Variants in ZMYND8 observed in about 807,000 individuals in gnomAD.
ZMYND8 encodes the protein MYND-type zinc finger-containing chromatin reader ZMYND8.
A neutral mutation model predicts 140.8 loss-of-function variants in ZMYND8; 37 were observed. That is an observed-to-expected ratio of 0.26 (90% CI 0.20 to 0.35). The LOEUF (loss-of-function observed/expected upper bound fraction) is 0.35. ZMYND8 is among the 10% of genes least tolerant of loss of function. ZMYND8 has a pLI of 1.00. For missense variants in ZMYND8, 1,068 were observed against 1,570.0 expected (o/e 0.68, Z 5.40); for synonymous variants, 592 against 597.1 (o/e 0.99, Z 0.12).
chr20:47,313,928 G>A (rs893711535), intron 2 of ZMYND8, among the ~76,000 whole-genome samples: 2 of 151,588 alleles, frequency 1.3e-5, no homozygotes, highest in Non-Finnish European at 2.9e-5. Flanking sequence ...GCAAGACTCC[G>A]TCTCAAAAAA....
intron 17 of ZMYND8, among the ~76,000 whole-genome samples, chr20:47,228,667 A>G (rs1409262212): frequency 3.9e-5 from 6 of 152,202 alleles, no homozygotes; most frequent in African/African-American, 1.2e-4. Context: ...TTGTATTCAC[A>G]TTGTCTTCTG....
intron 14 of ZMYND8, among the ~76,000 whole-genome samples, chr20:47,241,976 C>T (rs552904932): frequency 6.6e-6 from 1 of 152,184 alleles, no homozygotes; most frequent in South Asian, 2.1e-4. Flanking sequence ...CGCCACCATG[C>T]CCAGCTCATT....
intron 21 of ZMYND8, among the ~76,000 whole-genome samples, chr20:47,213,589 C>T (rs947425843): frequency 2.0e-5 from 3 of 152,092 alleles, no homozygotes; most frequent in Non-Finnish European, 4.4e-5. Flanking sequence ...CGGGGAAAGT[C>T]ACAGGACAGG....
At chr20:47,214,787 G>A (rs576300262) in intron 21 of ZMYND8, among the ~76,000 whole-genome samples, 4 of 152,240 alleles carry the variant, frequency 2.6e-5, no homozygotes, top group East Asian at 1.9e-4. Flanking sequence ...GAGCCACCAC[G>A]CCTGACCTAA....
At chr20:47,258,536 C>T (rs1170954150) in intron 12 of ZMYND8, among the ~76,000 whole-genome samples, 2 of 152,200 alleles carry the variant, frequency 1.3e-5, no homozygotes, top group Admixed American at 6.5e-5. Context: ...AGAGTTCCCT[C>T]CCAATGTGTA....
intron 21 of ZMYND8, among the ~76,000 whole-genome samples, chr20:47,219,809 A>G (rs915122324): frequency 1.3e-5 from 2 of 152,180 alleles, no homozygotes; most frequent in African/African-American, 4.8e-5. Context: ...TAACAGAAAG[A>G]TCATCCACTT....
At chr20:47,303,695 CA>C (rs1195746475) in intron 3 of ZMYND8, among the ~76,000 whole-genome samples, 173 of 141,864 alleles carry the variant, frequency 1.2e-3, no homozygotes, top group Admixed American at 1.2e-3. Context: ...GACTCTGTCT[CA>C]AAAAAAAAAA....
chr20:47,213,184 C>T (rs2035537629), intron 21 of ZMYND8, among the ~76,000 whole-genome samples: 1 of 152,082 alleles, frequency 6.6e-6, no homozygotes, highest in African/African-American at 2.4e-5. Flanking sequence ...GGAGAAGGCA[C>T]ACGTGATGAG....
chr20:47,285,980 CAG>C (rs1037271215), intron 8 of ZMYND8, among the ~76,000 whole-genome samples: 1 of 151,880 alleles, frequency 6.6e-6, no homozygotes, highest in African/African-American at 2.4e-5. Flanking sequence ...CGCCTGAGCC[CAG>C]GAGTTTGAGA....
chr20:47,267,667 C>T (rs551616001), intron 11 of ZMYND8, among the ~76,000 whole-genome samples: 2 of 152,308 alleles, frequency 1.3e-5, no homozygotes, highest in South Asian at 4.1e-4. Context: ...CATATTGCTC[C>T]ATCACCTAAA....
At chr20:47,286,177 A>ATT (rs35537741) in intron 8 of ZMYND8, among the ~76,000 whole-genome samples, 52 of 146,486 alleles carry the variant, frequency 3.5e-4, no homozygotes, top group South Asian at 1.3e-3. Context: ...ATAAGGATAG[A>ATT]TTTTTTTTTT....
At chr20:47,333,345 G>T (rs1029823093) in intron 2 of ZMYND8, among the ~76,000 whole-genome samples, 5 of 151,128 alleles carry the variant, frequency 3.3e-5, no homozygotes, top group African/African-American at 1.2e-4. Flanking sequence ...CAGAAAGTAA[G>T]GCAGGCAGCA....
intron 2 of ZMYND8, among the ~76,000 whole-genome samples, chr20:47,333,724 CAAAAAAAAAAAAAAAAA>C (rs57968979): frequency 0.022 from 646 of 29,768 alleles, 16 homozygotes; most frequent in African/African-American, 0.066. Flanking sequence ...GACTCCGTCT[CAAAAAAAAAAAAAAAAA>C]AAAAAAAAAA....
intron 2 of ZMYND8, among the ~76,000 whole-genome samples, chr20:47,317,139 A>G (rs965424035): frequency 1.1e-4 from 17 of 152,160 alleles, no homozygotes; most frequent in Admixed American, 1.3e-4. Flanking sequence ...TTTTTCCCCT[A>G]AACTGCAGAT....
intron 12 of ZMYND8, among the ~76,000 whole-genome samples, chr20:47,254,044 C>A (rs1471218201): frequency 2.0e-5 from 3 of 152,256 alleles, no homozygotes; most frequent in Non-Finnish European, 4.4e-5. Context: ...TTGACTCCCC[C>A]CTCCTCCGCA....
intron 2 of ZMYND8, among the ~76,000 whole-genome samples, chr20:47,342,831 A>G (rs2082016876): frequency 6.7e-6 from 1 of 150,056 alleles, no homozygotes; most frequent in Non-Finnish European, 1.5e-5. Flanking sequence ...TCGGCAACAG[A>G]GCAAGACTAC....
At chr20:47,239,262 C>G (rs1018440061) in intron 14 of ZMYND8, 124 bp from the exon 15 acceptor site, 3 of 1,300,552 alleles carry the variant, frequency 2.3e-6, no homozygotes, top group Non-Finnish European at 3.0e-6. Context: ...ACCAATTCGA[C>G]GTGCCAAGCA....
chr20:47,305,427 G>C (rs1012380534), intron 3 of ZMYND8, among the ~76,000 whole-genome samples: 11 of 151,962 alleles, frequency 7.2e-5, no homozygotes, highest in Non-Finnish European at 1.3e-4. Context: ...TTTTAGTAGA[G>C]ATGAGGTTTC....
intron 11 of ZMYND8, among the ~76,000 whole-genome samples, chr20:47,272,871 C>T (rs1478742904): frequency 2.0e-5 from 3 of 152,202 alleles, no homozygotes; most frequent in South Asian, 4.1e-4. Flanking sequence ...TTATTTTACA[C>T]GATTTTGGGT....
Sources: allele counts gnomAD v4.1 joint callset (sites outside exome capture counted in the v4.1 genomes callset), GRCh38; gene constraint gnomAD v4.1.1; transcripts MANE v1.5; gene names NCBI Gene and HGNC (gene_info 2026-07-23, HGNC 2026-07-21).